SMIM31: variants seen among roughly 807,000 people sequenced by gnomAD.
The protein encoded by SMIM31 is human epithelial cell program regulator.
chr4:164,788,246 G>T (rs921006045), intron 2 of SMIM31, among the ~76,000 whole-genome samples: 3 of 152,000 alleles, frequency 2.0e-5, no homozygotes, highest in African/African-American at 7.2e-5. Flanking sequence ...CTTGAGACTC[G>T]CTAGTGCCAA....
intron 2 of SMIM31, among the ~76,000 whole-genome samples, chr4:164,779,531 A>G (rs1732920275): frequency 1.8e-5 from 1 of 55,310 alleles, no homozygotes; most frequent in Non-Finnish European, 3.2e-5. Context: ...GTCATGGAAA[A>G]GTCAGCAATT....
intron 1 of SMIM31, among the ~76,000 whole-genome samples, chr4:164,763,276 T>C (rs1021678179): frequency 2.0e-5 from 3 of 152,228 alleles, no homozygotes; most frequent in African/African-American, 7.2e-5. Context: ...CTATTCTCTT[T>C]AGTTTCCAAA....
rs1421095552 is a variant in SMIM31, at chr4:164,803,098, T to C, written c.*1904T>C. The C allele has an allele frequency of 1.3e-5, 2 of 152,206 alleles. No individual in the cohort carries two copies. The highest frequency in any genetic ancestry group is 2.9e-5 in the Non-Finnish European group (2 of 68,042). The allele number at this position is 152,206 out of a possible 1,614,324, so 9.4% of individuals were successfully genotyped here. ...GATCGTTGCTGAATAACGCTACCTA[T>C]TATTATTGGAAAGCATTTTGGGACA... On this transcript the variant is annotated 3_prime_UTR_variant, in exon 3 of 3. Coordinates refer to ENST00000507311, the MANE Select transcript of SMIM31 (RefSeq NM_001352885.1).
chr4:164,793,656 G>T (rs1733136308), intron 2 of SMIM31, among the ~76,000 whole-genome samples: 1 of 152,024 alleles, frequency 6.6e-6, no homozygotes, highest in Admixed American at 6.5e-5. Context: ...CAAGATCTCT[G>T]GTGTCTCACC....
In SMIM31 at chr4:164,769,695, C is replaced by T. The variant is rs924274003; in HGVS notation, c.-25-724C>T. On this transcript the variant is annotated intron_variant, in intron 1 of 2. Transcript: ENST00000507311. ...CACCAACATGGCACATGTATACATA[C>T]GTAACAAACCTGCACGTTGTGCACA... Among the ~76,000 whole-genome samples the T allele has an allele frequency of 6.7e-5, 10 of 150,338 alleles. No individual in the cohort carries two copies. In the East Asian group the frequency reaches 7.8e-4, roughly 12 times the overall value.
chr4:164,792,304 G>A (rs1364529833), intron 2 of SMIM31, among the ~76,000 whole-genome samples: 1 of 152,164 alleles, frequency 6.6e-6, no homozygotes, highest in Non-Finnish European at 1.5e-5. Context: ...TTAAAGATGT[G>A]TAGGAACTCA....
At chr4:164,769,276 T>A (rs915693221) in intron 1 of SMIM31, among the ~76,000 whole-genome samples, 3 of 152,142 alleles carry the variant, frequency 2.0e-5, no homozygotes, top group African/African-American at 4.8e-5. Context: ...CACGTCTCCG[T>A]ACTACTAAGG....
intron 2 of SMIM31, among the ~76,000 whole-genome samples, chr4:164,774,249 C>T (rs1177181186): frequency 6.6e-6 from 1 of 151,656 alleles, no homozygotes; most frequent in Non-Finnish European, 1.5e-5. Context: ...TTAATCCACA[C>T]ACTGGGTCAA....
chr4:164,769,334 ATCTTGACAT>A (rs1732762146), intron 1 of SMIM31, among the ~76,000 whole-genome samples: 1 of 152,118 alleles, frequency 6.6e-6, no homozygotes, highest in African/African-American at 2.4e-5. Flanking sequence ...CTAAGCTCTC[ATCTTGACAT>A]TAAATTCTTT....
At chr4:164,758,539 C>T (rs71613835) in intron 1 of SMIM31, among the ~76,000 whole-genome samples, 2 of 150,246 alleles carry the variant, frequency 1.3e-5, no homozygotes, top group Non-Finnish European at 3.0e-5. Context: ...TCCCACCTTT[C>T]TGGGCATTTT....
At chr4:164,782,449 G>A (rs1178779917) in intron 2 of SMIM31, among the ~76,000 whole-genome samples, 4 of 143,088 alleles carry the variant, frequency 2.8e-5, no homozygotes, top group Non-Finnish European at 6.0e-5. Flanking sequence ...TACGATCTCG[G>A]CTCACTGCAA....
intron 2 of SMIM31, among the ~76,000 whole-genome samples, chr4:164,800,043 G>A (rs181585091): frequency 4.7e-4 from 71 of 152,298 alleles, no homozygotes; most frequent in Non-Finnish European, 7.8e-4. Flanking sequence ...GTTTATGAGA[G>A]ATCATTCTGC....
chr4:164,784,161 G>A (rs1732997500), intron 2 of SMIM31, among the ~76,000 whole-genome samples: 1 of 152,196 alleles, frequency 6.6e-6, no homozygotes, highest in Non-Finnish European at 1.5e-5. Context: ...CTAATACTGT[G>A]GGAGTGGTAA....
intron 1 of SMIM31, among the ~76,000 whole-genome samples, chr4:164,761,670 G>A (rs1026460707): frequency 9.2e-5 from 14 of 151,996 alleles, no homozygotes; most frequent in South Asian, 4.2e-4. Flanking sequence ...TGCAATCCCA[G>A]CACTTTGGGA....
intron 2 of SMIM31, among the ~76,000 whole-genome samples, chr4:164,797,180 T>C (rs1374077682): frequency 6.6e-6 from 1 of 152,200 alleles, no homozygotes; most frequent in Non-Finnish European, 1.5e-5. Flanking sequence ...CATTTAAATT[T>C]CAATCTCCTC....
intron 2 of SMIM31, among the ~76,000 whole-genome samples, chr4:164,771,808 C>CA (rs1732806772): frequency 6.6e-6 from 1 of 151,686 alleles, no homozygotes; most frequent in Non-Finnish European, 1.5e-5. Flanking sequence ...GACTCTGTCT[C>CA]AAAAAACAAA....
chr4:164,793,521 G>T (rs1311234622), intron 2 of SMIM31, among the ~76,000 whole-genome samples: 1 of 152,188 alleles, frequency 6.6e-6, no homozygotes, highest in Non-Finnish European at 1.5e-5. Flanking sequence ...AGGCTGGGAA[G>T]TCCAAGATCA....
chr4:164,780,315 T>G (rs946448305), intron 2 of SMIM31, among the ~76,000 whole-genome samples: 1 of 152,148 alleles, frequency 6.6e-6, no homozygotes. Flanking sequence ...TAGTCCCAGC[T>G]ACTCGGGAGG....
chr4:164,783,178 A>C (rs1202698364), intron 2 of SMIM31, among the ~76,000 whole-genome samples: 1 of 140,480 alleles, frequency 7.1e-6, no homozygotes, highest in African/African-American at 2.7e-5. Context: ...AGATCAGGCC[A>C]CTGCACTCCA....
Sources: gnomAD v4.1 joint callset for allele counts (sites outside exome capture counted in the v4.1 genomes callset) on GRCh38, gnomAD v4.1.1 for gene constraint, MANE v1.5 for transcripts, NCBI Gene and HGNC (gene_info 2026-07-23, HGNC 2026-07-21) for gene names.